The following SCN2A variants were observed in gnomAD, a reference collection of about 807,000 sequenced individuals.
SCN2A encodes sodium channel protein type 2 subunit alpha.
SCN2A carries 20 observed loss-of-function variants against 188.7 expected under a neutral mutation model. The ratio of observed to expected loss-of-function variants is 0.11; its 90% confidence interval spans 0.07 to 0.15. The LOEUF (loss-of-function observed/expected upper bound fraction) is 0.15. Ranked by LOEUF, SCN2A falls within the 10% of genes least tolerant of loss-of-function variation. The pLI, the probability that SCN2A is intolerant of heterozygous loss-of-function variation, is 1.00. For missense variants in SCN2A, 1,278 were observed against 2,445.0 expected (o/e 0.52, Z 10.07); for synonymous variants, 804 against 833.1 (o/e 0.97, Z 0.60).
chr2:165,351,102 C>T (rs1448238570), intron 16 of SCN2A, among the ~76,000 whole-genome samples: 1 of 152,090 alleles, frequency 6.6e-6, no homozygotes, highest in Non-Finnish European at 1.5e-5. Context: ...AACTGAGGCT[C>T]AGATTGGTTA....
intron 11 of SCN2A, among the ~76,000 whole-genome samples, chr2:165,319,116 T>A (rs1385131094): frequency 2.0e-5 from 3 of 151,990 alleles, no homozygotes; most frequent in Non-Finnish European, 2.9e-5. Flanking sequence ...GACGGGCAGA[T>A]CATGAGATCA....
intron 14 of SCN2A, among the ~76,000 whole-genome samples, chr2:165,339,262 C>A (rs1019165146): frequency 6.6e-6 from 1 of 151,406 alleles, no homozygotes; most frequent in Non-Finnish European, 1.5e-5. Flanking sequence ...GAAAACCCTA[C>A]ACCTAATATT....
Position 165,253,089 on chromosome 2 carries a change from G to A in SCN2A, c.-52+13449G>A, listed in dbSNP as rs570041819. On this transcript the variant is annotated intron_variant, in intron 1 of 26. Coordinates refer to ENST00000375437, the MANE Select transcript of SCN2A (RefSeq NM_001040142.2). ...TTGTAAGTTTTGCCTGTGCTATATG[G>A]GGAAGGGTCATTCTTTACAGTAATT... is the stretch of plus-strand genomic sequence containing the variant. Among the ~76,000 whole-genome samples, 4 of 152,136 alleles carry A rather than the reference G, an allele frequency of 2.6e-5. No individual in the cohort carries two copies. The East Asian group carries it at 5.8e-4, about 22-fold the overall frequency.
chr2:165,247,648 C>T (rs1378747229), intron 1 of SCN2A, among the ~76,000 whole-genome samples: 1 of 152,178 alleles, frequency 6.6e-6, no homozygotes, highest in East Asian at 1.9e-4. Flanking sequence ...TCCCAGACTT[C>T]ATTATTTGGG....
rs556590447 is a variant in SCN2A at position 165,251,388 on chromosome 2, C to T, written c.-52+11748C>T. ...TGTAGAAATAATAAAAGAAAAAAGT[C>T]AAAGGGTGTATTTTTACAAGTACAC... On this transcript the variant is annotated intron_variant, in intron 1 of 26. Transcript: ENST00000375437. Among the ~76,000 whole-genome samples, 11 of 152,088 alleles carry T rather than the reference C, an allele frequency of 7.2e-5. No individual in the cohort carries two copies. In the South Asian group the frequency reaches 2.1e-3, roughly 29 times the overall value.
rs200202690 is a variant in SCN2A at position 165,313,581 on chromosome 2, C to T, written c.1035-39C>T. The T allele has an allele frequency of 6.2e-6, 10 of 1,611,378 alleles. No individual in the cohort carries two copies. The Admixed American group carries it at 6.7e-5, about 11-fold the overall frequency. On this transcript the variant is annotated intron_variant, in intron 8 of 26. Coordinates refer to ENST00000375437, the MANE Select transcript of SCN2A (RefSeq NM_001040142.2). ...CAGGAAAACCAATTAGCAGACTTGC[C>T]GTTATTGACTTCCTTTCTTTCCTCT...
intron 7 of SCN2A, 174 bp downstream of exon 7, chr2:165,310,769 T>A: frequency 7.4e-6 from 3 of 404,278 alleles, no homozygotes; most frequent in Non-Finnish European, 1.3e-5. Flanking sequence ...TTCTTATCTG[T>A]CCATTGATAT....
chr2:165,350,035 C>G (rs1438486625), intron 16 of SCN2A, among the ~76,000 whole-genome samples: 1 of 152,200 alleles, frequency 6.6e-6, no homozygotes, highest in Non-Finnish European at 1.5e-5. Flanking sequence ...GAGCTGGGAC[C>G]ACAAACTACT....
chr2:165,309,497 C>G, intron 6 of SCN2A, 54 bp downstream of exon 6: 6 of 1,603,502 alleles, frequency 3.7e-6, no homozygotes, highest in Non-Finnish European at 5.1e-6. Context: ...GTGCTACAAT[C>G]ACAGCTTTTG....
At chr2:165,254,756 C>T (rs1321969890) in intron 1 of SCN2A, among the ~76,000 whole-genome samples, 1 of 151,746 alleles carries the variant, frequency 6.6e-6, no homozygotes, top group Admixed American at 6.6e-5. Context: ...TTTCATCTCT[C>T]AAAAGCTAAG....
At chr2:165,264,572 C>T (rs1453945231) in intron 1 of SCN2A, among the ~76,000 whole-genome samples, 3 of 152,042 alleles carry the variant, frequency 2.0e-5, no homozygotes, top group African/African-American at 4.8e-5. Context: ...GGTATTAAAC[C>T]TAGTATCCAT....
At chr2:165,349,017 A>G (rs995464403) in intron 16 of SCN2A, among the ~76,000 whole-genome samples, 2 of 152,264 alleles carry the variant, frequency 1.3e-5, no homozygotes, top group African/African-American at 4.8e-5. Flanking sequence ...TCAAGCTACT[A>G]TAATCCCCAA....
chr2:165,375,727 A>G (rs910348028), intron 22 of SCN2A, among the ~76,000 whole-genome samples: 1 of 152,000 alleles, frequency 6.6e-6, no homozygotes, highest in Non-Finnish European at 1.5e-5. Context: ...CAACAATATT[A>G]AAAAGATTTT....
chr2:165,372,244 A>G (rs184317048), intron 20 of SCN2A: 91 of 152,234 alleles, frequency 6.0e-4, no homozygotes, highest in African/African-American at 2.0e-3. Context: ...TAATTTTACA[A>G]CTCATTGTTT....
At chr2:165,356,756 C>A (rs910943757) in intron 17 of SCN2A, among the ~76,000 whole-genome samples, 3 of 152,056 alleles carry the variant, frequency 2.0e-5, no homozygotes, top group African/African-American at 7.2e-5. Flanking sequence ...TCCAAAAGAG[C>A]GTGTATTTTG....
At chr2:165,365,487 G>T (rs1700681931) in intron 18 of SCN2A, among the ~76,000 whole-genome samples, 1 of 150,186 alleles carries the variant, frequency 6.7e-6, no homozygotes, top group African/African-American at 2.5e-5. Flanking sequence ...TTTTTAAAAG[G>T]CAAAGTTTAA....
intron 1 of SCN2A, among the ~76,000 whole-genome samples, chr2:165,276,001 G>A (rs186960529): frequency 2.2e-3 from 337 of 152,224 alleles, no homozygotes; most frequent in African/African-American, 7.7e-3. Flanking sequence ...CCAAAGTGCT[G>A]GGATGGCAGG....
chr2:165,261,481 G>T (rs1250408085), intron 1 of SCN2A, among the ~76,000 whole-genome samples: 1 of 152,208 alleles, frequency 6.6e-6, no homozygotes, highest in African/African-American at 2.4e-5. Context: ...AAACAGGGAA[G>T]TTATATACTA....
chr2:165,373,189 T>C (rs1701134821), intron 20 of SCN2A, 36 bp from the exon 21 acceptor site: 1 of 1,608,976 alleles, frequency 6.2e-7, no homozygotes, highest in Non-Finnish European at 8.5e-7. Flanking sequence ...CATTTTTATA[T>C]GTAAATAAGA....
Sources: allele counts gnomAD v4.1 joint callset (sites outside exome capture counted in the v4.1 genomes callset), GRCh38; gene constraint gnomAD v4.1.1; transcripts MANE v1.5; gene names NCBI Gene and HGNC (gene_info 2026-07-23, HGNC 2026-07-21).